The following SP100 variants were observed in gnomAD, a reference collection of about 807,000 sequenced individuals.
SP100 encodes SP100 nuclear body protein, also known as nuclear autoantigen Sp-100.
Under a neutral mutation model 130.0 loss-of-function variants are expected in SP100, and 84 were observed. The observed-to-expected ratio is 0.65, with a 90% CI of 0.54 to 0.77. The LOEUF (loss-of-function observed/expected upper bound fraction) is 0.77. Among genes scored for constraint, SP100 ranks in the 30% least tolerant of loss-of-function variants. The probability of loss-of-function intolerance (pLI) is 0.00; values close to 1 mark genes in which losing one functional copy is unlikely to be tolerated. For synonymous variants in SP100, 331 were observed against 351.7 expected (o/e 0.94, Z 0.66); for missense variants, 978 against 1,052.2 (o/e 0.93, Z 0.97).
intron 24 of SP100, among the ~76,000 whole-genome samples, chr2:230,523,445 T>A (rs1691268663): frequency 6.6e-6 from 1 of 152,204 alleles, no homozygotes; most frequent in African/African-American, 2.4e-5. Context: ...GGCAGGTGGA[T>A]CACTTGAGTT....
At chr2:230,490,947 T>G (rs2066360340) in intron 17 of SP100, among the ~76,000 whole-genome samples, 1 of 152,154 alleles carries the variant, frequency 6.6e-6, no homozygotes. Flanking sequence ...GATGATTATG[T>G]GTCTTGGGAT....
chr2:230,441,090 A>G (rs1174056739), intron 2 of SP100, among the ~76,000 whole-genome samples: 1 of 152,194 alleles, frequency 6.6e-6, no homozygotes, highest in African/African-American at 2.4e-5. Context: ...AAACACTTCT[A>G]TCCATAATAT....
intron 8 of SP100, among the ~76,000 whole-genome samples, chr2:230,455,591 G>C (rs990935832): frequency 6.6e-6 from 1 of 152,122 alleles, no homozygotes; most frequent in Non-Finnish European, 1.5e-5. Context: ...TATGTCTTTT[G>C]ATTGGAGAAT....
chr2:230,467,857 A>G (rs972054682), intron 13 of SP100, among the ~76,000 whole-genome samples: 1 of 152,186 alleles, frequency 6.6e-6, no homozygotes, highest in Non-Finnish European at 1.5e-5. Context: ...TGTAAAGAAA[A>G]GAAAGTACAC....
intron 21 of SP100, among the ~76,000 whole-genome samples, chr2:230,505,075 C>T (rs1485517267): frequency 6.6e-6 from 1 of 152,116 alleles, no homozygotes; most frequent in East Asian, 1.9e-4. Flanking sequence ...ATAGAACTCT[C>T]CTAAAATCCA....
chr2:230,455,761 T>G (rs1199497330), intron 8 of SP100, among the ~76,000 whole-genome samples: 1 of 152,220 alleles, frequency 6.6e-6, no homozygotes, highest in East Asian at 1.9e-4. Flanking sequence ...ACACTTTGAT[T>G]CCTCTTTATC....
intron 11 of SP100, 38 bp from the exon 12 acceptor site, chr2:230,466,263 T>C (rs776520767): frequency 8.3e-7 from 1 of 1,203,256 alleles, no homozygotes; most frequent in South Asian, 1.3e-5. Context: ...ATAAGTCTCT[T>C]GCATACAAAT....
At chr2:230,516,584 C>T (rs915325946) in intron 24 of SP100, 1 of 152,172 alleles carries the variant, frequency 6.6e-6, no homozygotes, top group Non-Finnish European at 1.5e-5. Context: ...TTCATGAAGA[C>T]ATCAGTTTTT....
intron 1 of SP100, 121 bp downstream of exon 1, chr2:230,416,449 C>T: frequency 2.5e-6 from 2 of 811,268 alleles, no homozygotes; most frequent in Non-Finnish European, 3.9e-6. Flanking sequence ...CATAGGTATG[C>T]GATGTTATAT....
At chr2:230,468,377 A>C (rs2065067750) in intron 13 of SP100, among the ~76,000 whole-genome samples, 1 of 152,240 alleles carries the variant, frequency 6.6e-6, no homozygotes, top group Non-Finnish European at 1.5e-5. Flanking sequence ...CAAATATACT[A>C]ATGTTTATAC....
Position 230,464,134 on chromosome 2 carries a change from A to C in SP100, c.1125A>C (p.Arg375=). Reference sequence around the variant, plus strand: ...AGGGCCAAGAAGCCACTTGCTCACGACCCCAGATTGTACCAGGTAAGAATA... The same window carrying C: ...AGGGCCAAGAAGCCACTTGCTCACGCCCCCAGATTGTACCAGGTAAGAATA... ...EKEGQEATCS[R]PQIVPEPMDF... Residue 375 remains arginine, a synonymous_variant, in exon 11 of 29, where the codon CGA becomes CGC. Coordinates refer to ENST00000340126, the MANE Select transcript of SP100 (RefSeq NM_001080391.2). 6.2e-7 allele frequency: 1 copy of C among 1,609,140 alleles called. No individual in the cohort carries two copies. The highest frequency in any genetic ancestry group is 8.5e-7 in the Non-Finnish European group (1 of 1,175,558).
At position 230,462,470 on chromosome 2, in the gene SP100, G is replaced by A. The variant is rs371672997; in HGVS notation, c.1009G>A (p.Val337Ile). ...TGAGGACTCTGAAGGATCCACTGAC[G>A]TTGATGAGCCCTTAGAAGTCTTCAT... ...SSEDSEGSTDVDEPLEVFISA... is the reference protein window; with the variant it reads ...SSEDSEGSTDIDEPLEVFISA... The change falls in exon 10 of 29, where the codon GTT becomes ATT. Residue 337 changes from valine (V) to isoleucine (I), a missense_variant. Physicochemically the swap from Val to Ile is conservative, Grantham distance 29 (BLOSUM62 3). Transcript: ENST00000340126. 3.2e-5 allele frequency: 52 copies of A among 1,613,784 alleles called. No individual in the cohort carries two copies. In the Middle Eastern group the frequency reaches 2.3e-3, roughly 71 times the overall value.
intron 17 of SP100, among the ~76,000 whole-genome samples, chr2:230,489,640 T>C (rs534144076): frequency 2.0e-5 from 3 of 152,348 alleles, no homozygotes; most frequent in East Asian, 1.9e-4. Flanking sequence ...AGATTTCCGA[T>C]GTGGGCATTT....
At chr2:230,472,427 CAAAAAAAAAAAA>C (rs201703163) in intron 15 of SP100, among the ~76,000 whole-genome samples, 11 of 61,330 alleles carry the variant, frequency 1.8e-4, no homozygotes, top group African/African-American at 8.4e-4. Context: ...GACTCCGTCT[CAAAAAAAAAAAA>C]AAAAAAAAAA....
intron 11 of SP100, among the ~76,000 whole-genome samples, chr2:230,465,416 A>G (rs577320795): frequency 5.4e-4 from 82 of 152,188 alleles, no homozygotes; most frequent in Non-Finnish European, 9.0e-4. Context: ...ATAAGTAAAA[A>G]AGAACGAGAT....
At chr2:230,499,168 T>C (rs1331848692) in intron 19 of SP100, among the ~76,000 whole-genome samples, 2 of 152,036 alleles carry the variant, frequency 1.3e-5, no homozygotes, top group African/African-American at 4.8e-5. Context: ...CTCAAGTTAA[T>C]TTTAAGACCT....
At position 230,524,263 on chromosome 2, in the gene SP100, G is replaced by A. The variant is rs139259901; in HGVS notation, c.2094+13097G>A. ...CCCAGCAACTCAGGAGGCTGGGGCA[G>A]GAGAATCAGTTGAACCTGGGAGGCA... On this transcript the variant is annotated intron_variant, in intron 24 of 28. Coordinates refer to ENST00000340126, the MANE Select transcript of SP100 (RefSeq NM_001080391.2). Among the ~76,000 whole-genome samples, 724 of 150,132 alleles carry A rather than the reference G, an allele frequency of 4.8e-3. 3 individuals carry two copies. Among genetic ancestry groups the A allele is most frequent in the African/African-American group, 0.017 (687 of 40,970 alleles).
chr2:230,540,845 G>A, intron 25 of SP100, 31 bp from the exon 26 acceptor site: 2 of 1,588,394 alleles, frequency 1.3e-6, no homozygotes, highest in South Asian at 1.1e-5. Context: ...CACAGAACCT[G>A]CCATTGCTCA....
At chr2:230,432,046 G>T (rs528268742) in intron 2 of SP100, among the ~76,000 whole-genome samples, 121 of 152,152 alleles carry the variant, frequency 8.0e-4, no homozygotes, top group African/African-American at 2.8e-3. Context: ...ATCAATTCCT[G>T]CTCCTATTCT....
Sources: allele counts gnomAD v4.1 joint callset (sites outside exome capture counted in the v4.1 genomes callset), GRCh38; gene constraint gnomAD v4.1.1; transcripts MANE v1.5; gene names NCBI Gene and HGNC (gene_info 2026-07-23, HGNC 2026-07-21).